Variants in CCR3 observed in about 807,000 individuals in gnomAD.
The protein encoded by CCR3 is C-C motif chemokine receptor 3.
For missense variants in CCR3, 419 were observed against 437.5 expected, an observed-to-expected ratio of 0.96 and a Z score of 0.38; for synonymous variants, 203 against 179.2, an observed-to-expected ratio of 1.13 and a Z score of -1.06.
At chr3:46,216,303 C>T (rs1393566389) in intron 2 of CCR3, among the ~76,000 whole-genome samples, 5 of 152,204 alleles carry the variant, frequency 3.3e-5, no homozygotes, top group Non-Finnish European at 2.9e-5. Context: ...GAGCAAGGAC[C>T]TTGTACTATG....
chr3:46,248,844 T>G (rs35092096), intron 1 of CCR3, among the ~76,000 whole-genome samples: 115,720 of 151,928 alleles, frequency 0.76, 44,672 homozygotes, highest in East Asian at 0.91. Context: ...GGATAGGAGG[T>G]TATATGGGTT....
At chr3:46,254,292 G>C (rs1311976505) in intron 1 of CCR3, among the ~76,000 whole-genome samples, 2 of 152,088 alleles carry the variant, frequency 1.3e-5, no homozygotes, top group African/African-American at 2.4e-5. Context: ...GAGAATAAAA[G>C]AAACTTTACA....
intron 1 of CCR3, among the ~76,000 whole-genome samples, chr3:46,251,286 C>T (rs868768463): frequency 5.3e-5 from 8 of 151,998 alleles, no homozygotes; most frequent in South Asian, 4.2e-4. Context: ...CTGTGACCGG[C>T]GCCGGAGTTT....
At chr3:46,212,843 T>C (rs1432642539) in intron 2 of CCR3, among the ~76,000 whole-genome samples, 2 of 152,156 alleles carry the variant, frequency 1.3e-5, no homozygotes, top group Non-Finnish European at 2.9e-5. Context: ...CCCTGAAGCC[T>C]TCCCATCCTC....
chr3:46,247,399 T>C (rs189204605), intron 1 of CCR3, among the ~76,000 whole-genome samples: 3 of 152,192 alleles, frequency 2.0e-5, no homozygotes, highest in African/African-American at 7.2e-5. Flanking sequence ...CTGTACCTTA[T>C]AGCATTCCGA....
intron 2 of CCR3, among the ~76,000 whole-genome samples, chr3:46,217,202 T>C (rs1360997004): frequency 3.9e-5 from 6 of 151,920 alleles, no homozygotes; most frequent in African/African-American, 1.2e-4. Context: ...CCAACAACAG[T>C]TAAAAAAGAC....
chr3:46,247,273 G>C (rs1363709080), intron 1 of CCR3, among the ~76,000 whole-genome samples: 1 of 152,164 alleles, frequency 6.6e-6, no homozygotes, highest in East Asian at 1.9e-4. Flanking sequence ...AGTATGACTA[G>C]ATAGAAAATA....
chr3:46,212,771 G>A (rs1452577552), intron 2 of CCR3, among the ~76,000 whole-genome samples: 1 of 152,164 alleles, frequency 6.6e-6, no homozygotes, highest in Non-Finnish European at 1.5e-5. Flanking sequence ...CAAAGTGAAA[G>A]AGGGCATTGG....
rs192056417 is a variant in CCR3, at chr3:46,258,287, G to A, written c.-11-6861G>A. On this transcript the variant is annotated intron_variant, in intron 1 of 1. Transcript: ENST00000395940. Reference sequence around the variant, plus strand: ...ACTTAATTTCCAAATAAAGATAATAGCAAGTAATAGTTCTTCTTAACACGA... The same window carrying A: ...ACTTAATTTCCAAATAAAGATAATAACAAGTAATAGTTCTTCTTAACACGA... Among the ~76,000 whole-genome samples, 24 of 152,260 alleles carry A rather than the reference G, an allele frequency of 1.6e-4. No individual in the cohort carries two copies. In the East Asian group the frequency reaches 4.6e-3, roughly 29 times the overall value.
chr3:46,236,719 C>G (rs1700028917), intron 2 of CCR3, among the ~76,000 whole-genome samples: 1 of 152,196 alleles, frequency 6.6e-6, no homozygotes, highest in Admixed American at 6.5e-5. Flanking sequence ...TGGAGAGAGG[C>G]AGCACATAGT....
At chr3:46,239,881 A>G (rs1359891675), upstream of CCR3, among the ~76,000 whole-genome samples, 5 of 152,184 alleles carry the variant, frequency 3.3e-5, no homozygotes, top group Non-Finnish European at 7.3e-5. Context: ...GAAAACCCTC[A>G]AACACTGATC....
chr3:46,260,168 C>T (rs557863411), intron 1 of CCR3, among the ~76,000 whole-genome samples: 17 of 152,282 alleles, frequency 1.1e-4, no homozygotes, highest in Non-Finnish European at 2.2e-4. Context: ...CACCTCCCAC[C>T]GTGTGTCTCC....
chr3:46,254,958 A>T (rs1045359400), intron 1 of CCR3, among the ~76,000 whole-genome samples: 2 of 152,124 alleles, frequency 1.3e-5, no homozygotes, highest in African/African-American at 4.8e-5. Flanking sequence ...TCGACTTTTA[A>T]TTCTTCAAGG....
intron 1 of CCR3, among the ~76,000 whole-genome samples, chr3:46,258,433 CT>C (rs779602467): frequency 1.3e-4 from 20 of 152,140 alleles, no homozygotes; most frequent in Non-Finnish European, 2.8e-4. Context: ...TGATTTTGAT[CT>C]TTTGGGATTT....
intron 2 of CCR3, among the ~76,000 whole-genome samples, chr3:46,233,932 T>C (rs1431927360): frequency 6.6e-6 from 1 of 152,204 alleles, no homozygotes; most frequent in African/African-American, 2.4e-5. Context: ...TCATTGAGTC[T>C]CAGCTTCCCC....
At chr3:46,241,165 C>T (rs1470403275), upstream of CCR3, among the ~76,000 whole-genome samples, 1 of 96,558 alleles carries the variant, frequency 1.0e-5, no homozygotes, top group Non-Finnish European at 2.0e-5. Context: ...CATGTGTGTG[C>T]GCTCTCTCTC....
chr3:46,230,926 G>GT (rs554242374), intron 2 of CCR3, among the ~76,000 whole-genome samples: 94 of 152,158 alleles, frequency 6.2e-4, no homozygotes, highest in Non-Finnish European at 1.2e-3. Flanking sequence ...TGTTTGTTTT[G>GT]TTTTTTGTTT....
chr3:46,251,352 G>C (rs1280268583), intron 1 of CCR3, among the ~76,000 whole-genome samples: 1 of 152,082 alleles, frequency 6.6e-6, no homozygotes, highest in Non-Finnish European at 1.5e-5. Flanking sequence ...GAAAGGAATT[G>C]AAATTAAGAG....
chr3:46,242,389 ATC>A (rs1700098569), upstream of CCR3: 1 of 152,200 alleles, frequency 6.6e-6, no homozygotes, highest in African/African-American at 2.4e-5. Flanking sequence ...ATCTGATGGT[ATC>A]TCTGTTTCAG....
Sources: allele counts gnomAD v4.1 joint callset (sites outside exome capture counted in the v4.1 genomes callset), GRCh38; gene constraint gnomAD v4.1.1; transcripts MANE v1.5; gene names NCBI Gene and HGNC (gene_info 2026-07-23, HGNC 2026-07-21).